Variants in CC2D1A observed in about 807,000 individuals in gnomAD.
CC2D1A encodes coiled-coil and C2 domain containing 1A.
CC2D1A carries 68 observed loss-of-function variants against 123.8 expected under a neutral mutation model. That is an observed-to-expected ratio of 0.55 (90% CI 0.45 to 0.67). CC2D1A has a LOEUF of 0.67. Among genes scored for constraint, CC2D1A ranks in the 30% least tolerant of loss-of-function variants. The probability of loss-of-function intolerance (pLI) is 0.00; values close to 1 mark genes in which losing one functional copy is unlikely to be tolerated. For synonymous variants in CC2D1A, 477 were observed against 528.0 expected, an observed-to-expected ratio of 0.90 and a Z score of 1.32; for missense variants, 1,185 against 1,290.3, an observed-to-expected ratio of 0.92 and a Z score of 1.25.
At chr19:13,915,407 G>A (rs550565970) in intron 6 of CC2D1A, among the ~76,000 whole-genome samples, 111 of 152,164 alleles carry the variant, frequency 7.3e-4, no homozygotes, top group Non-Finnish European at 1.4e-3. Context: ...CACCAAGCCC[G>A]GCTAATTTTT....
intron 14 of CC2D1A, among the ~76,000 whole-genome samples, chr19:13,922,317 A>G (rs1321537555): frequency 6.6e-6 from 1 of 151,564 alleles, no homozygotes; most frequent in African/African-American, 2.4e-5. Flanking sequence ...CTTCTCTTTC[A>G]CCCACCCCCT....
intron 6 of CC2D1A, among the ~76,000 whole-genome samples, chr19:13,914,865 G>A (rs573628672): frequency 6.6e-6 from 1 of 152,326 alleles, no homozygotes; most frequent in South Asian, 2.1e-4. Context: ...TATCTTCTAA[G>A]AGGTTTTTCT....
At chr19:13,912,247 C>T (rs887117299) in intron 2 of CC2D1A, 76 bp from the exon 3 acceptor site, 7 of 1,455,840 alleles carry the variant, frequency 4.8e-6, no homozygotes, top group African/African-American at 1.4e-5. Flanking sequence ...GTGGGATCAC[C>T]TAGCGTGTCC....
intron 17 of CC2D1A, 40 bp from the exon 18 acceptor site, chr19:13,926,477 T>C (rs1223981514): frequency 2.5e-6 from 4 of 1,596,276 alleles, no homozygotes; most frequent in Non-Finnish European, 3.4e-6. Context: ...GGTGCCTCTG[T>C]TTCCCTGCCC....
intron 6 of CC2D1A, among the ~76,000 whole-genome samples, chr19:13,916,356 G>A (rs571264430): frequency 9.9e-5 from 15 of 152,156 alleles, no homozygotes; most frequent in African/African-American, 2.9e-4. Context: ...CTTGAACCCC[G>A]GAGTTCGAGA....
intron 12 of CC2D1A, 173 bp from the exon 13 acceptor site, chr19:13,920,381 GAAA>G (rs60377105): frequency 1.7e-3 from 901 of 523,962 alleles, no homozygotes; most frequent in African/African-American, 4.5e-3. Flanking sequence ...TCTCAAAAAA[GAAA>G]AAAAAAAAAA....
Position 13,923,490 on chromosome 19 carries a change from C to G in CC2D1A, c.1764+35C>G, listed in dbSNP as rs200495538. On this transcript the variant is annotated intron_variant, in intron 15 of 28. Transcript: ENST00000318003. This position sits in a 1 kb window ranked among gnomAD's most constrained non-coding sequence, Gnocchi z 5.3. ...AGGCCCCCAGCCCATCCCCCAGGAG[C>G]GTGACCCTCCTTCCCCTCTCTTCCC... The G allele has an allele frequency of 1.2e-5, 20 of 1,613,782 alleles. No homozygotes were observed. Among genetic ancestry groups the G allele is most frequent in the Admixed American group, 6.7e-5 (4 of 59,994 alleles).
At chr19:13,927,534 T>C in intron 22 of CC2D1A, 1 of 488,280 alleles carries the variant, frequency 2.0e-6, no homozygotes, top group East Asian at 3.7e-5. Flanking sequence ...ATCCCAGCAC[T>C]TTGGGAGGCT....
At chr19:13,919,084 C>A in intron 10 of CC2D1A, 42 bp downstream of exon 10, 1 of 1,603,090 alleles carries the variant, frequency 6.2e-7, no homozygotes. Flanking sequence ...AGTGGGCAGC[C>A]CGGGAGCCCT....
At chr19:13,909,993 G>A in intron 2 of CC2D1A, 35 bp downstream of exon 2, 1 of 1,497,832 alleles carries the variant, frequency 6.7e-7, no homozygotes, top group Admixed American at 2.3e-5. Context: ...AACATTTTCT[G>A]ATCTCCTGCA....
intron 14 of CC2D1A, among the ~76,000 whole-genome samples, chr19:13,921,964 C>T (rs988730807): frequency 8.5e-5 from 13 of 152,094 alleles, no homozygotes; most frequent in Admixed American, 7.2e-4. Flanking sequence ...ACCATCTGCC[C>T]CATCAGCTCC....
chr19:13,927,713 C>T (rs1026464806), intron 22 of CC2D1A, 180 bp from the exon 23 acceptor site: 12 of 663,728 alleles, frequency 1.8e-5, no homozygotes, highest in East Asian at 5.2e-5. Context: ...ACCCAGGAGG[C>T]GGAGCTTGCA....
chr19:13,922,273 A>T (rs886466672), intron 14 of CC2D1A, among the ~76,000 whole-genome samples: 6 of 152,296 alleles, frequency 3.9e-5, no homozygotes, highest in Admixed American at 2.6e-4. Context: ...AAGTGCTGGG[A>T]TTACAGGCAT....
intron 2 of CC2D1A, among the ~76,000 whole-genome samples, chr19:13,911,372 T>C (rs368488942): frequency 1.3e-5 from 2 of 152,212 alleles, no homozygotes; most frequent in South Asian, 2.1e-4. Context: ...TATGCTATTC[T>C]AAGAGCTTCA....
chr19:13,928,394 C>T (rs563076034), intron 24 of CC2D1A, among the ~76,000 whole-genome samples: 81 of 152,206 alleles, frequency 5.3e-4, no homozygotes, highest in African/African-American at 1.8e-3. Flanking sequence ...GTCAACATAT[C>T]CAGGCTTCTC....
intron 11 of CC2D1A, 40 bp downstream of exon 11, chr19:13,919,242 GC>G (rs1386044984): frequency 2.7e-5 from 38 of 1,426,868 alleles, no homozygotes; most frequent in Non-Finnish European, 3.3e-5. Flanking sequence ...AGTAGGCCCC[GC>G]CCCCGTAGGC....
Position 13,920,857 on chromosome 19 carries a change from C to G in CC2D1A, c.1576C>G (p.Gln526Glu). ...GGAGGGTGCCAAGATGCACCTGCGC[C>G]AAGCCAAGGGACTGGAGCCTATGCT... is the stretch of plus-strand genomic sequence containing the variant. ...DVEGAKMHLR[Q>E]AKGLEPMLEA... Residue 526 changes from glutamine to glutamate, a missense_variant, in exon 14 of 29, where the codon CAA (glutamine) becomes GAA (glutamate). Transcript: ENST00000318003. The G allele has an allele frequency of 6.2e-7, 1 of 1,614,156 alleles. No individual in the cohort carries two copies. The highest frequency in any genetic ancestry group is 1.1e-5 in the South Asian group (1 of 91,090).
chr19:13,909,760 T>A, intron 1 of CC2D1A, 63 bp from the exon 2 acceptor site: 1 of 1,605,930 alleles, frequency 6.2e-7, no homozygotes, highest in Non-Finnish European at 8.5e-7. Flanking sequence ...TCTCTGGCCA[T>A]CATGGCTGCC....
intron 11 of CC2D1A, 66 bp downstream of exon 11, chr19:13,919,268 C>A: frequency 1.5e-6 from 2 of 1,296,616 alleles, no homozygotes; most frequent in Non-Finnish European, 2.1e-6. Context: ...CCCCCAGAGG[C>A]CCCGCCGCTG....
Sources: allele counts gnomAD v4.1 joint callset (sites outside exome capture counted in the v4.1 genomes callset), GRCh38; gene constraint gnomAD v4.1.1; non-coding constraint Gnocchi (gnomAD v3.1); transcripts MANE v1.5; gene names NCBI Gene and HGNC (gene_info 2026-07-23, HGNC 2026-07-21).